Variants in ZNF469 observed in about 807,000 individuals in gnomAD.
The protein encoded by ZNF469 is zinc finger protein 469.
ZNF469 carries 1 observed loss-of-function variant against 1.0 expected under a neutral mutation model. That is an observed-to-expected ratio of 1.00 (90% CI 0.35 to 4.73). The LOEUF (loss-of-function observed/expected upper bound fraction) is 4.73. ZNF469 is among the 30% of genes most tolerant of loss of function. The pLI, the probability that ZNF469 is intolerant of heterozygous loss-of-function variation, is 0.16. For synonymous variants in ZNF469, 2,703 were observed against 2,363.4 expected (o/e 1.14, Z -4.17); for missense variants, 6,100 against 5,356.3 (o/e 1.14, Z -4.33).
chr16:88,311,715 G>A, the ZNF469 span, among the ~76,000 whole-genome samples: 1 of 152,232 alleles, frequency 6.6e-6, no homozygotes, highest in Non-Finnish European at 1.5e-5. Flanking sequence ...GTACCTGCCA[G>A]GTAGATTTCT....
the ZNF469 span, among the ~76,000 whole-genome samples, chr16:88,377,452 C>T: frequency 4.6e-5 from 7 of 152,182 alleles, no homozygotes; most frequent in African/African-American, 9.7e-5. Flanking sequence ...CTGTGCAGGA[C>T]GCCCTCGAGG....
chr16:88,386,218 T>C (rs1418833556), intron 1 of ZNF469, among the ~76,000 whole-genome samples: 1 of 151,898 alleles, frequency 6.6e-6, no homozygotes, highest in East Asian at 1.9e-4. Context: ...CCTGGGAGAG[T>C]GTGACCAGCC....
the ZNF469 span, among the ~76,000 whole-genome samples, chr16:88,311,687 G>C: frequency 6.6e-6 from 1 of 152,212 alleles, no homozygotes; most frequent in Non-Finnish European, 1.5e-5. Context: ...GACAGTCCTA[G>C]TGTGGAAGTC....
the ZNF469 span, among the ~76,000 whole-genome samples, chr16:88,101,267 A>G: frequency 3.9e-5 from 6 of 152,250 alleles, no homozygotes; most frequent in Non-Finnish European, 7.3e-5. Flanking sequence ...GGCAAAACAA[A>G]GCATTTTGCT....
At chr16:88,301,163 T>TC in the ZNF469 span, among the ~76,000 whole-genome samples, 6 of 30,248 alleles carry the variant, frequency 2.0e-4, no homozygotes, top group African/African-American at 3.7e-4. Context: ...CACACTTTTC[T>TC]TTTTTTTTTG....
chr16:88,343,876 A>C, the ZNF469 span, among the ~76,000 whole-genome samples: 1 of 152,120 alleles, frequency 6.6e-6, no homozygotes, highest in Non-Finnish European at 1.5e-5. Flanking sequence ...AAACCATGGC[A>C]ATATGGGGAG....
chr16:88,438,533 C>A lies in ZNF469; in HGVS notation c.11063C>A (p.Thr3688Asn), dbSNP rs952527095. The change falls in exon 3 of 3, where the codon ACC becomes AAC. Residue 3688 changes from threonine (T) to asparagine (N), a missense_variant. Transcript: ENST00000565624. ...SSSKDRSAAS[T>N]PSKALKFPVH... ...TCAAAGGACAGGTCGGCAGCATCCA[C>A]CCCCAGCAAAGCACTCAAGTTCCCA... The A allele has an allele frequency of 6.5e-7, 1 of 1,550,126 alleles. No individual in the cohort carries two copies. The highest frequency in any genetic ancestry group is 1.4e-5 in the African/African-American group (1 of 73,160).
chr16:88,369,728 G>C, the ZNF469 span, among the ~76,000 whole-genome samples: 4 of 152,212 alleles, frequency 2.6e-5, no homozygotes, highest in Non-Finnish European at 4.4e-5. Flanking sequence ...CTCTTGCAGA[G>C]CTAGATGGAG....
chr16:88,282,435 A>G, the ZNF469 span, among the ~76,000 whole-genome samples: 12 of 152,206 alleles, frequency 7.9e-5, no homozygotes, highest in East Asian at 2.3e-3. Context: ...CTGTGAAACA[A>G]TCATGCCCGC....
At chr16:88,183,054 T>C in the ZNF469 span, among the ~76,000 whole-genome samples, 1 of 152,202 alleles carries the variant, frequency 6.6e-6, no homozygotes, top group Non-Finnish European at 1.5e-5. Flanking sequence ...AAGACAAATA[T>C]AATCCACTAA....
the ZNF469 span, among the ~76,000 whole-genome samples, chr16:88,243,949 T>TATATATATATATATATATATATAA: frequency 6.4e-5 from 6 of 94,242 alleles, 1 homozygote; most frequent in Non-Finnish European, 1.4e-4. Context: ...TATATATATA[T>TATATATATATATATATATATATAA]ATAAATGTAT....
At chr16:88,255,937 GA>G in the ZNF469 span, among the ~76,000 whole-genome samples, 1 of 152,190 alleles carries the variant, frequency 6.6e-6, no homozygotes, top group Non-Finnish European at 1.5e-5. Flanking sequence ...TTTCTGGTTG[GA>G]GATGTCATTT....
chr16:88,182,481 G>A, the ZNF469 span, among the ~76,000 whole-genome samples: 1 of 151,822 alleles, frequency 6.6e-6, no homozygotes, highest in Non-Finnish European at 1.5e-5. Flanking sequence ...CTTGATTTTT[G>A]CAAGAGGTAC....
the ZNF469 span, among the ~76,000 whole-genome samples, chr16:88,249,603 A>G: frequency 1.3e-5 from 2 of 151,556 alleles, no homozygotes; most frequent in South Asian, 2.1e-4. Flanking sequence ...CGCCGGGCCA[A>G]TTTTTTATAT....
At chr16:88,285,098 G>C in the ZNF469 span, among the ~76,000 whole-genome samples, 2 of 152,214 alleles carry the variant, frequency 1.3e-5, no homozygotes, top group Non-Finnish European at 2.9e-5. Flanking sequence ...CCTCATACCC[G>C]TCAGCTTCAG....
the ZNF469 span, among the ~76,000 whole-genome samples, chr16:88,123,992 G>A: frequency 9.9e-5 from 15 of 152,074 alleles, no homozygotes; most frequent in African/African-American, 3.4e-4. Context: ...TAGTAGAGAC[G>A]GGGTTTCTCC....
the ZNF469 span, among the ~76,000 whole-genome samples, chr16:88,356,561 C>T: frequency 2.0e-5 from 3 of 151,804 alleles, no homozygotes. Flanking sequence ...TGCCTGTGTG[C>T]GTGTGGGCAT....
In ZNF469 at chr16:88,436,960, C is replaced by T; in HGVS notation, c.9490C>T (p.Gln3164Ter). Residue 3164 changes from glutamine (Q) to a stop codon, truncating the protein, a stop_gained, in exon 3 of 3, where the codon CAG becomes TAG. Coordinates refer to ENST00000565624, the MANE Select transcript of ZNF469 (RefSeq NM_001367624.2). LOFTEE classifies it low-confidence loss of function (END_TRUNC). Reference protein sequence around the residue: ...GSRELLRGHLQERHAQSKAGP... With the variant: ...GSRELLRGHL ...GCGGGAGCTGCTGCGGGGGCACCTGCAGGAGAGGCACGCGCAGAGCAAGGC... is the reference window on the plus strand; with the variant it reads ...GCGGGAGCTGCTGCGGGGGCACCTGTAGGAGAGGCACGCGCAGAGCAAGGC... 6.7e-7 allele frequency: 1 copy of T among 1,498,634 alleles called. No individual in the cohort carries two copies. The highest frequency in any genetic ancestry group is 8.9e-7 in the Non-Finnish European group (1 of 1,125,432). The allele number at this position is 1,498,634 out of a possible 1,614,324, so 92.8% of individuals were successfully genotyped here.
the ZNF469 span, among the ~76,000 whole-genome samples, chr16:88,257,919 C>T: frequency 4.6e-5 from 7 of 152,192 alleles, no homozygotes; most frequent in African/African-American, 1.4e-4. Flanking sequence ...ACTTCCTTGG[C>T]TCCAGAATGA....
Sources: gnomAD v4.1 joint callset for allele counts (sites outside exome capture counted in the v4.1 genomes callset) on GRCh38, gnomAD v4.1.1 for gene constraint, MANE v1.5 for transcripts, NCBI Gene and HGNC (gene_info 2026-07-23, HGNC 2026-07-21) for gene names.